Variants in MYCBP2 observed in about 807,000 individuals in gnomAD.
MYCBP2 encodes the protein MYC binding protein 2.
A neutral mutation model predicts 525.3 loss-of-function variants in MYCBP2; 120 were observed. The observed-to-expected ratio is 0.23, with a 90% confidence interval of 0.20 to 0.27. The LOEUF (loss-of-function observed/expected upper bound fraction) is 0.27, where lower values mean the gene tolerates loss of function less well. MYCBP2 is among the 10% of genes least tolerant of loss of function. The pLI, the probability that MYCBP2 is intolerant of heterozygous loss-of-function variation, is 1.00. For missense variants in MYCBP2, 4,149 were observed against 5,657.1 expected, an observed-to-expected ratio of 0.73 and a Z score of 8.55; for synonymous variants, 1,894 against 1,955.8, an observed-to-expected ratio of 0.97 and a Z score of 0.83.
chr13:77,205,324 C>T lies in MYCBP2; in HGVS notation c.3775G>A (p.Asp1259Asn), dbSNP rs1248391112. Reference sequence around the variant, plus strand: ...AGACCACCAAGTAAAATATCAGTGTCGGCACTGAAACGTATAGCTTCTACT... The same window carrying T: ...AGACCACCAAGTAAAATATCAGTGTTGGCACTGAAACGTATAGCTTCTACT... ...HSVEAIRFSA[D>N]TDILLGGLGL... is the part of the protein sequence containing the mutation. Residue 1259 changes from aspartate (D) to asparagine (N), a missense_variant, in exon 26 of 83, where the codon GAC (aspartate) becomes AAC (asparagine). By Grantham distance (23) the Asp-to-Asn change is conservative (BLOSUM62 1). Around this residue, in one of 21 missense-constraint regions of MYCBP2, gnomAD observed 620 missense variants for 795.5 expected, o/e 0.78. Transcript: ENST00000544440. The T allele has an allele frequency of 3.1e-6, 5 of 1,613,698 alleles. No homozygotes were observed. Among genetic ancestry groups the T allele is most frequent in the Non-Finnish European group, 4.2e-6 (5 of 1,179,790 alleles).
intron 39 of MYCBP2, among the ~76,000 whole-genome samples, chr13:77,168,847 A>G (rs983639249): frequency 5.9e-5 from 9 of 152,358 alleles, no homozygotes; most frequent in African/African-American, 2.2e-4. Context: ...CTAAATCTAT[A>G]TTTTTAAAAA....
In MYCBP2 at chr13:77,258,438, T is replaced by C. The variant is rs140587080; in HGVS notation, c.2018-609A>G. On this transcript the variant is annotated intron_variant, in intron 13 of 82. Transcript: ENST00000544440. ...ATGTTTTGTATCAACTCTAAATTGA[T>C]TGAAGCATCTTTAACATTAACAATC... Among the ~76,000 whole-genome samples, 30 of 152,238 alleles carry C rather than the reference T, an allele frequency of 2.0e-4. 1 individual carries two copies. The East Asian group carries it at 5.6e-3, about 28-fold the overall frequency.
chr13:77,313,198 GA>G (rs2080485944), intron 1 of MYCBP2, among the ~76,000 whole-genome samples: 1 of 152,000 alleles, frequency 6.6e-6, no homozygotes, highest in Admixed American at 6.6e-5. Flanking sequence ...AAATTTGTGG[GA>G]TGTAACTAAA....
chr13:77,136,672 T>C (rs1289454309), intron 52 of MYCBP2, among the ~76,000 whole-genome samples: 1 of 152,200 alleles, frequency 6.6e-6, no homozygotes, highest in Non-Finnish European at 1.5e-5. Context: ...ATATTTCAAA[T>C]ATTCATTGCA....
At chr13:77,233,104 G>T in intron 18 of MYCBP2, 52 bp downstream of exon 18, 1 of 1,479,388 alleles carries the variant, frequency 6.8e-7, no homozygotes, top group Non-Finnish European at 9.4e-7. Context: ...ATTCAAATGA[G>T]TGGAAGAAAT....
chr13:77,100,585 G>C (rs1245640517), intron 55 of MYCBP2, among the ~76,000 whole-genome samples: 1 of 151,994 alleles, frequency 6.6e-6, no homozygotes, highest in African/African-American at 2.4e-5. Context: ...TGCAAACTGA[G>C]TAATTACATG....
At chr13:77,239,526 G>T (rs2068496741) in intron 17 of MYCBP2, among the ~76,000 whole-genome samples, 1 of 152,166 alleles carries the variant, frequency 6.6e-6, no homozygotes, top group African/African-American at 2.4e-5. Context: ...ATTAGGCCCA[G>T]GTGATTCTGA....
rs917648804 is a variant in MYCBP2 at position 77,081,171 on chromosome 13, G to A, written c.11418+256C>T. The A allele has an allele frequency of 3.2e-5, 12 of 380,370 alleles. No individual in the cohort carries two copies. The highest frequency in any genetic ancestry group is 2.3e-4 in the African/African-American group (11 of 48,374). 23.6% of individuals were successfully genotyped at this position (380,370 alleles called of 1,614,324 possible). A position where few individuals can be genotyped will look rare whatever the true frequency, so the allele number is the denominator to read the frequency against. On this transcript the variant is annotated intron_variant, in intron 65 of 82. Coordinates refer to ENST00000544440, the MANE Select transcript of MYCBP2 (RefSeq NM_015057.5). The surrounding 1 kb of genome is among the most constrained non-coding windows in gnomAD (Gnocchi z 4.6). ...AAGGGAATGGCAGCAGAAAATTGTA[G>A]AGCAGACTTTCATTTTGCTTAGCTG...
chr13:77,096,677 C>T (rs1241537262), intron 56 of MYCBP2, among the ~76,000 whole-genome samples, 196 bp from the exon 57 acceptor site: 5 of 151,356 alleles, frequency 3.3e-5, no homozygotes, highest in African/African-American at 4.9e-5. Context: ...TAAATGATGC[C>T]CCAAATATGA....
intron 18 of MYCBP2, among the ~76,000 whole-genome samples, chr13:77,228,431 C>T (rs1050667253): frequency 6.6e-6 from 1 of 150,520 alleles, no homozygotes; most frequent in African/African-American, 2.5e-5. Flanking sequence ...CACCTGAGCC[C>T]GGGAGGTCAA....
chr13:77,121,586 A>C, intron 54 of MYCBP2, 91 bp from the exon 55 acceptor site: 1 of 1,261,056 alleles, frequency 7.9e-7, no homozygotes, highest in Non-Finnish European at 1.0e-6. Flanking sequence ...AGATTTTATG[A>C]TGGTTAGATT....
chr13:77,236,502 A>G (rs900268164), intron 17 of MYCBP2, among the ~76,000 whole-genome samples: 5 of 152,202 alleles, frequency 3.3e-5, no homozygotes, highest in Non-Finnish European at 7.3e-5. Context: ...AGAAAACTCT[A>G]AAATATTTTT....
At chr13:77,258,570 CTG>C (rs2072658267) in intron 13 of MYCBP2, among the ~76,000 whole-genome samples, 2 of 152,120 alleles carry the variant, frequency 1.3e-5, no homozygotes, top group African/African-American at 2.4e-5. Context: ...TTTGGGAAAA[CTG>C]TTCTACATTA....
intron 18 of MYCBP2, among the ~76,000 whole-genome samples, chr13:77,226,326 CA>C (rs2066262411): frequency 6.6e-6 from 1 of 152,140 alleles, no homozygotes; most frequent in Admixed American, 6.6e-5. Flanking sequence ...AATTTTCCAA[CA>C]ATCTAACCAT....
chr13:77,132,471 A>G (rs2053058252), intron 52 of MYCBP2, among the ~76,000 whole-genome samples: 1 of 152,162 alleles, frequency 6.6e-6, no homozygotes, highest in Non-Finnish European at 1.5e-5. Context: ...CAAAATTTGG[A>G]AAATCAGTAT....
intron 20 of MYCBP2, among the ~76,000 whole-genome samples, chr13:77,221,073 T>C (rs2065480568): frequency 6.6e-6 from 1 of 152,176 alleles, no homozygotes; most frequent in African/African-American, 2.4e-5. Context: ...AGCTGAACCT[T>C]GCCTCTACAG....
At position 77,061,186 on chromosome 13, in the gene MYCBP2, T is replaced by C. The variant is rs745943327; in HGVS notation, c.13019A>G (p.Glu4340Gly). 6.2e-7 allele frequency: 1 copy of C among 1,607,404 alleles called. No individual in the cohort carries two copies. The highest frequency in any genetic ancestry group is 2.2e-5 in the East Asian group (1 of 44,458). The stretch of plus-strand genomic sequence containing the variant: ...CCTTTTACCTGTGTGTTCTCGGAAT[T>C]CCACCATTGCCTTCATTGTTTTAGA... ...ADSKTMKAMV[E>G]FREHTGKPTT... The change falls in exon 76 of 83, where the codon GAA becomes GGA. Residue 4340 changes from glutamate (E) to glycine (G), a missense_variant. Physicochemically the swap from Glu to Gly is moderately conservative, Grantham distance 98. Transcript: ENST00000544440.
At chr13:77,201,022 G>A (rs1165057155) in intron 26 of MYCBP2, among the ~76,000 whole-genome samples, 5 of 151,672 alleles carry the variant, frequency 3.3e-5, no homozygotes, top group African/African-American at 1.2e-4. Flanking sequence ...ATAATGACAG[G>A]ACCAAATTCA....
At chr13:77,249,624 G>A (rs2070758392) in intron 15 of MYCBP2, among the ~76,000 whole-genome samples, 1 of 151,980 alleles carries the variant, frequency 6.6e-6, no homozygotes. Context: ...CAAACTCCTG[G>A]CCTCAAGTGA....
Sources: allele counts gnomAD v4.1 joint callset (sites outside exome capture counted in the v4.1 genomes callset), GRCh38; gene constraint gnomAD v4.1.1; regional missense constraint gnomAD v4.1.1; non-coding constraint Gnocchi (gnomAD v3.1); transcripts MANE v1.5; gene names NCBI Gene and HGNC (gene_info 2026-07-23, HGNC 2026-07-21).